TMEM117: variants seen among roughly 807,000 people sequenced by gnomAD.
The protein encoded by TMEM117 is transmembrane protein 117.
Under a neutral mutation model 52.4 loss-of-function variants are expected in TMEM117, and 27 were observed. That is an observed-to-expected ratio of 0.51 (90% confidence interval 0.38 to 0.71). The LOEUF (loss-of-function observed/expected upper bound fraction) is 0.71, where lower values mean the gene tolerates loss of function less well. Ranked by LOEUF, TMEM117 falls within the 30% of genes least tolerant of loss-of-function variation. TMEM117 has a pLI of 0.00. For missense variants in TMEM117, 556 were observed against 630.5 expected, an observed-to-expected ratio of 0.88 and a Z score of 1.26; for synonymous variants, 215 against 206.3, an observed-to-expected ratio of 1.04 and a Z score of -0.36.
rs1592590281 is a variant in TMEM117, at chr12:44,185,934, A to G, written c.511-25356A>G. On this transcript the variant is annotated intron_variant, in intron 4 of 7. Coordinates refer to ENST00000266534, the MANE Select transcript of TMEM117 (RefSeq NM_032256.3). ...CACACACGTGCTCCTACTTTCTTAT[A>G]GTGTTATTATTAGTGCCTTTTCTCA... Among the ~76,000 whole-genome samples the G allele has an allele frequency of 2.0e-5, 3 of 151,280 alleles. No homozygotes were observed. In the South Asian group the frequency reaches 6.3e-4, roughly 32 times the overall value.
chr12:44,215,729 TAA>T (rs767284602), intron 5 of TMEM117, among the ~76,000 whole-genome samples: 5,786 of 147,062 alleles, frequency 0.039, 131 homozygotes, highest in Middle Eastern at 0.13. Flanking sequence ...TAGCTTTTTT[TAA>T]AAAAAAAAAA....
At chr12:44,172,789 A>G (rs1005847328) in intron 4 of TMEM117, among the ~76,000 whole-genome samples, 9 of 152,090 alleles carry the variant, frequency 5.9e-5, no homozygotes, top group East Asian at 3.9e-4. Context: ...CAGTGATGCA[A>G]TCTCAGCTCA....
rs769011235 is a variant in TMEM117 at position 43,844,743 on chromosome 12, C to T, written c.92C>T (p.Ala31Val). 19 of 1,614,072 alleles carry T rather than the reference C, an allele frequency of 1.2e-5. No homozygotes were observed. Among genetic ancestry groups the T allele is most frequent in the East Asian group, 2.2e-5 (1 of 44,862 alleles). Residue 31 changes from alanine to valine, a missense_variant, in exon 2 of 8, where the codon GCG (alanine) becomes GTG (valine). Transcript: ENST00000266534. Reference protein sequence around the residue: ...LVIFFNFLIFAEDPVSHSQTE... With the variant: ...LVIFFNFLIFVEDPVSHSQTE... ...ATCTTCTTTAACTTCTTAATATTTG[C>T]GGAGGACCCAGTTTCTCATAGCCAA...
intron 3 of TMEM117, among the ~76,000 whole-genome samples, chr12:44,085,512 C>T (rs957751105): frequency 1.3e-5 from 2 of 152,212 alleles, no homozygotes; most frequent in African/African-American, 2.4e-5. Context: ...CAATAGGGAG[C>T]TTGATCTGAG....
chr12:44,233,137 G>A (rs1949953468), intron 5 of TMEM117, among the ~76,000 whole-genome samples: 1 of 151,024 alleles, frequency 6.6e-6, no homozygotes, highest in African/African-American at 2.4e-5. Flanking sequence ...TATTGTGGTG[G>A]TTAAAACCAC....
intron 7 of TMEM117, among the ~76,000 whole-genome samples, chr12:44,385,011 G>A (rs1409388224): frequency 6.6e-6 from 1 of 152,142 alleles, no homozygotes; most frequent in African/African-American, 2.4e-5. Flanking sequence ...TGGGGTAGAA[G>A]GGCAGAATTA....
chr12:44,224,650 T>C (rs1460488076), intron 5 of TMEM117, among the ~76,000 whole-genome samples: 1 of 152,162 alleles, frequency 6.6e-6, no homozygotes, highest in Non-Finnish European at 1.5e-5. Flanking sequence ...TGGGAGCTTA[T>C]TTTTTGTCTC....
In TMEM117 at chr12:43,944,281, C is replaced by A. The variant is rs1945092237; in HGVS notation, c.349C>A (p.Leu117Ile). The A allele has an allele frequency of 6.2e-7, 1 of 1,613,128 alleles. No homozygotes were observed. The highest frequency in any genetic ancestry group is 8.5e-7 in the Non-Finnish European group (1 of 1,179,234). Residue 117 changes from leucine (L) to isoleucine (I), a missense_variant, in exon 3 of 8, where the codon CTC becomes ATC. Around this residue, in one of 3 missense-constraint regions of TMEM117, gnomAD observed 328 missense variants for 371.4 expected, o/e 0.88. Transcript: ENST00000266534. ...SWMTMFFSTI[L>I]FLFIFSHIYN... ...GATGACAATGTTCTTCAGCACAATT[C>A]TCTTTCTCTTCATATTTTCTCACAT...
intron 4 of TMEM117, among the ~76,000 whole-genome samples, chr12:44,174,572 G>A (rs1377130517): frequency 6.6e-6 from 1 of 151,986 alleles, no homozygotes; most frequent in Non-Finnish European, 1.5e-5. Context: ...CCAGAACTTT[G>A]AGTACCTTTA....
intron 6 of TMEM117, among the ~76,000 whole-genome samples, chr12:44,342,002 T>A (rs546160770): frequency 5.9e-5 from 9 of 152,078 alleles, no homozygotes; most frequent in Non-Finnish European, 1.3e-4. Context: ...CCTGGAATTC[T>A]TAGAGGCTAC....
intron 5 of TMEM117, among the ~76,000 whole-genome samples, chr12:44,290,829 C>T (rs925536483): frequency 2.6e-5 from 4 of 151,898 alleles, no homozygotes; most frequent in Admixed American, 1.3e-4. Context: ...TATATAAAAG[C>T]GAGGTCTCAC....
intron 6 of TMEM117, among the ~76,000 whole-genome samples, chr12:44,308,681 G>T (rs1769573455): frequency 6.6e-6 from 1 of 150,548 alleles, no homozygotes; most frequent in Admixed American, 6.6e-5. Context: ...GTGCAGTGGC[G>T]CCATCTCGGC....
intron 2 of TMEM117, among the ~76,000 whole-genome samples, chr12:43,875,220 AGTGTGTG>A (rs1304064114): frequency 1.4e-5 from 2 of 148,146 alleles, no homozygotes; most frequent in Non-Finnish European, 3.0e-5. Flanking sequence ...ATGGTGGGGA[AGTGTGTG>A]TGTGTGTGTG....
At chr12:44,218,091 G>A (rs1264814620) in intron 5 of TMEM117, among the ~76,000 whole-genome samples, 1 of 152,088 alleles carries the variant, frequency 6.6e-6, no homozygotes, top group Non-Finnish European at 1.5e-5. Context: ...GGACGTGGTG[G>A]CACATGCCTG....
At chr12:43,889,900 C>G (rs924789769) in intron 2 of TMEM117, among the ~76,000 whole-genome samples, 3 of 152,126 alleles carry the variant, frequency 2.0e-5, no homozygotes, top group Non-Finnish European at 4.4e-5. Flanking sequence ...CAGGATAAGA[C>G]AGAGGCACCA....
chr12:43,883,276 CATT>C (rs1178510145), intron 2 of TMEM117, among the ~76,000 whole-genome samples: 1 of 152,108 alleles, frequency 6.6e-6, no homozygotes, highest in East Asian at 1.9e-4. Context: ...AAAAGAGAAA[CATT>C]GTTGAAAGGC....
chr12:43,917,528 C>T (rs1199936681), intron 2 of TMEM117, among the ~76,000 whole-genome samples: 2 of 152,154 alleles, frequency 1.3e-5, no homozygotes, highest in Non-Finnish European at 2.9e-5. Flanking sequence ...ATGTAACTGT[C>T]ACCCCAGTGG....
intron 6 of TMEM117, among the ~76,000 whole-genome samples, chr12:44,360,922 CAG>C (rs958963631): frequency 5.9e-5 from 9 of 152,148 alleles, no homozygotes; most frequent in African/African-American, 2.2e-4. Context: ...TACTAGCTGA[CAG>C]AAATTTTGCA....
At chr12:44,000,430 T>G (rs1186392989) in intron 3 of TMEM117, among the ~76,000 whole-genome samples, 1 of 152,124 alleles carries the variant, frequency 6.6e-6, no homozygotes, top group Non-Finnish European at 1.5e-5. Context: ...CAGGACTTGC[T>G]CCTCAGACTG....
Sources: gnomAD v4.1 joint callset for allele counts (sites outside exome capture counted in the v4.1 genomes callset) on GRCh38, gnomAD v4.1.1 for gene constraint, gnomAD v4.1.1 regional missense constraint, MANE v1.5 for transcripts, NCBI Gene and HGNC (gene_info 2026-07-23, HGNC 2026-07-21) for gene names.